OSBPL6: variants seen among roughly 807,000 people sequenced by gnomAD.
OSBPL6 encodes oxysterol binding protein like 6, also known as oxysterol-binding protein-related protein 6.
In OSBPL6, 49 loss-of-function variants were observed where a neutral mutation model predicts 125.8. The observed-to-expected ratio is 0.39, with a 90% CI of 0.31 to 0.49. OSBPL6 has a LOEUF of 0.49. Ranked by LOEUF, OSBPL6 falls within the 20% of genes least tolerant of loss-of-function variation. The pLI is 0.88. For synonymous variants in OSBPL6, 394 were observed against 391.8 expected, an observed-to-expected ratio of 1.01 and a Z score of -0.07; for missense variants, 986 against 1,135.4, an observed-to-expected ratio of 0.87 and a Z score of 1.89.
chr2:178,388,119 G>A (rs1311622030), intron 20 of OSBPL6, among the ~76,000 whole-genome samples: 1 of 152,106 alleles, frequency 6.6e-6, no homozygotes, highest in Non-Finnish European at 1.5e-5. Flanking sequence ...TTATGTTGAT[G>A]TAACATTTCA....
At chr2:178,304,832 A>T (rs1376854276) in intron 2 of OSBPL6, among the ~76,000 whole-genome samples, 1 of 152,102 alleles carries the variant, frequency 6.6e-6, no homozygotes, top group African/African-American at 2.4e-5. Flanking sequence ...GCTACCACTC[A>T]TCTGTTGATC....
intron 1 of OSBPL6, among the ~76,000 whole-genome samples, chr2:178,237,619 A>G (rs1398857942): frequency 1.3e-5 from 2 of 152,156 alleles, no homozygotes; most frequent in Admixed American, 6.5e-5. Context: ...CAGCCTCAGC[A>G]TGGTTGACAT....
intron 1 of OSBPL6, among the ~76,000 whole-genome samples, chr2:178,280,419 G>C (rs1457092492): frequency 6.6e-6 from 1 of 152,180 alleles, no homozygotes; most frequent in Non-Finnish European, 1.5e-5. Flanking sequence ...ACTGAACCAT[G>C]TGTTAATAGT....
intron 1 of OSBPL6, among the ~76,000 whole-genome samples, chr2:178,203,420 T>C (rs574650375): frequency 1.3e-5 from 2 of 152,360 alleles, no homozygotes; most frequent in South Asian, 4.1e-4. Context: ...TTTCAGACTT[T>C]GTAGTTTTCA....
In OSBPL6 at chr2:178,266,315, C is replaced by T. The variant is rs907816355; in HGVS notation, c.-350-18612C>T. 2.0e-5 allele frequency among the ~76,000 whole-genome samples: 3 copies of T among 152,248 alleles called. 1 individual carries two copies. Among genetic ancestry groups the T allele is most frequent in the African/African-American group, 7.2e-5 (3 of 41,536 alleles). On this transcript the variant is annotated intron_variant, in intron 1 of 24. Transcript: ENST00000190611. Reference sequence around the variant, plus strand: ...ACTAAGTGTTCAGCTGTTTATTGACCTATTACAACTTAGAGTATGACTTAC... The same window carrying T: ...ACTAAGTGTTCAGCTGTTTATTGACTTATTACAACTTAGAGTATGACTTAC...
intron 1 of OSBPL6, among the ~76,000 whole-genome samples, chr2:178,225,520 T>TA (rs530948880): frequency 1.3e-3 from 194 of 152,314 alleles, no homozygotes; most frequent in African/African-American, 4.2e-3. Flanking sequence ...ATTCTGTAGT[T>TA]ACAGAAAACC....
At chr2:178,343,107 G>T (rs1349801718) in intron 11 of OSBPL6, among the ~76,000 whole-genome samples, 3 of 152,046 alleles carry the variant, frequency 2.0e-5, no homozygotes, top group Non-Finnish European at 4.4e-5. Context: ...AAGATTTAGA[G>T]GTAGAAAAAG....
intron 13 of OSBPL6, among the ~76,000 whole-genome samples, chr2:178,368,395 C>T: frequency 6.6e-6 from 1 of 152,154 alleles, no homozygotes; most frequent in East Asian, 1.9e-4. Context: ...TAACAGCAAA[C>T]TCTTTTCTAC....
chr2:178,383,409 T>G, intron 17 of OSBPL6, 132 bp downstream of exon 17: 1 of 1,347,920 alleles, frequency 7.4e-7, no homozygotes, highest in Admixed American at 2.8e-5. Context: ...GGAATTGATC[T>G]GTTTGCATAA....
rs1055495844 is a variant in OSBPL6 at position 178,344,427 on chromosome 2, C to G, written c.987+4663C>G. 4.0e-6 allele frequency: 6 copies of G among 1,498,946 alleles called. No homozygotes were observed. The African/African-American group carries it at 6.9e-5, about 17-fold the overall frequency. The allele number at this position is 1,498,946 out of a possible 1,614,324, so 92.9% of individuals were successfully genotyped here. ...AGAACCTGTGTACAAGGATGACTCC[C>G]CTGTCCTGATGGTGCCACTGGTGTG... On this transcript the variant is annotated intron_variant, in intron 11 of 24. Coordinates refer to ENST00000190611, the MANE Select transcript of OSBPL6 (RefSeq NM_032523.4).
chr2:178,243,608 A>T (rs982100043), intron 1 of OSBPL6, among the ~76,000 whole-genome samples: 1 of 152,098 alleles, frequency 6.6e-6, no homozygotes, highest in East Asian at 1.9e-4. Flanking sequence ...CTCTATTGCC[A>T]TAGCTTCCCC....
At chr2:178,345,700 T>C (rs944768695) in intron 11 of OSBPL6, among the ~76,000 whole-genome samples, 6 of 152,188 alleles carry the variant, frequency 3.9e-5, no homozygotes, top group African/African-American at 1.4e-4. Context: ...CACATGGTTA[T>C]TAGAGAGAGA....
chr2:178,353,734 T>C (rs548881172), intron 12 of OSBPL6, among the ~76,000 whole-genome samples: 25 of 152,116 alleles, frequency 1.6e-4, no homozygotes, highest in African/African-American at 4.6e-4. Flanking sequence ...ATTCAGGAAA[T>C]ACAGAAAATG....
intron 9 of OSBPL6, among the ~76,000 whole-genome samples, chr2:178,337,794 A>C (rs1171991383): frequency 1.3e-5 from 2 of 152,210 alleles, no homozygotes; most frequent in Non-Finnish European, 1.5e-5. Context: ...GATGGTTTTC[A>C]GCCCCAATTC....
chr2:178,324,012 C>T (rs1471922410), intron 3 of OSBPL6, among the ~76,000 whole-genome samples, 165 bp from the exon 4 acceptor site: 3 of 152,116 alleles, frequency 2.0e-5, no homozygotes, highest in South Asian at 2.1e-4. Flanking sequence ...AATCCTGTGC[C>T]GACATATTTT....
rs1187159495 is a variant in OSBPL6, at chr2:178,209,862, GA to G, written c.-351+15200del. 5.6e-3 allele frequency among the ~76,000 whole-genome samples: 776 copies of G among 139,662 alleles called. 3 individuals are homozygous for G. Among genetic ancestry groups the G allele is most frequent in the Admixed American group, 9.0e-3 (126 of 14,008 alleles). 91.6% of individuals were successfully genotyped at this position (139,662 alleles called of 152,430 possible). Reference sequence around the variant, plus strand: ...AGGCTACAGGTCTGGCTACCATTAAGAAAAAAAAAAAACTACTAAATAACTT... The same window carrying G: ...AGGCTACAGGTCTGGCTACCATTAAGAAAAAAAAAAACTACTAAATAACTT... On this transcript the variant is annotated intron_variant, in intron 1 of 24. Coordinates refer to ENST00000190611, the MANE Select transcript of OSBPL6 (RefSeq NM_032523.4).
chr2:178,359,483 A>G (rs947285951), intron 12 of OSBPL6, among the ~76,000 whole-genome samples: 1 of 151,906 alleles, frequency 6.6e-6, no homozygotes, highest in African/African-American at 2.4e-5. Context: ...ATACACCGGA[A>G]AATAGTACAG....
intron 12 of OSBPL6, among the ~76,000 whole-genome samples, chr2:178,356,056 C>G (rs1382651807): frequency 6.6e-6 from 1 of 152,238 alleles, no homozygotes; most frequent in Non-Finnish European, 1.5e-5. Flanking sequence ...GCTAAAAACT[C>G]TCAATAAACT....
At chr2:178,344,125 G>A (rs946326541) in intron 11 of OSBPL6, among the ~76,000 whole-genome samples, 32 of 152,252 alleles carry the variant, frequency 2.1e-4, no homozygotes, top group Middle Eastern at 3.4e-3. Context: ...ATTTCTCATA[G>A]CATGAACTCC....
Sources: gnomAD v4.1 joint callset for allele counts (sites outside exome capture counted in the v4.1 genomes callset) on GRCh38, gnomAD v4.1.1 for gene constraint, MANE v1.5 for transcripts, NCBI Gene and HGNC (gene_info 2026-07-23, HGNC 2026-07-21) for gene names.